Variants in PIK3R4 observed in about 807,000 individuals in gnomAD.
PIK3R4 encodes phosphoinositide-3-kinase regulatory subunit 4, also known as phosphoinositide 3-kinase regulatory subunit 4.
A neutral mutation model predicts 136.5 loss-of-function variants in PIK3R4; 46 were observed. The observed-to-expected ratio is 0.34, with a 90% confidence interval of 0.27 to 0.43. The LOEUF is 0.43. PIK3R4 is among the 20% of genes least tolerant of loss of function. PIK3R4 has a pLI of 1.00. For missense variants in PIK3R4, 1,331 were observed against 1,649.5 expected (o/e 0.81, Z 3.35); for synonymous variants, 557 against 566.7 (o/e 0.98, Z 0.24).
chr3:130,682,337 AG>A (rs2108514103), intron 16 of PIK3R4, among the ~76,000 whole-genome samples: 1 of 152,346 alleles, frequency 6.6e-6, no homozygotes, highest in South Asian at 2.1e-4. Flanking sequence ...GAAGGAGCCA[AG>A]GAATTTGGTT....
At position 130,745,281 on chromosome 3, in the gene PIK3R4, C is replaced by A; in HGVS notation, c.-46-17G>T. On this transcript the variant is annotated splice_polypyrimidine_tract_variant and intron_variant, in intron 1 of 19. Transcript: ENST00000356763. ...ATATAATACCTGTTTAAAATAAAAA[C>A]AAATGAAGAAAAAAGACAAGAAACA... 1 of 1,454,186 alleles carries A rather than the reference C, an allele frequency of 6.9e-7. No individual in the cohort carries two copies. The highest frequency in any genetic ancestry group is 9.2e-7 in the Non-Finnish European group (1 of 1,091,882). 90.1% of individuals were successfully genotyped at this position (1,454,186 alleles called of 1,614,324 possible).
intron 2 of PIK3R4, among the ~76,000 whole-genome samples, chr3:130,740,059 A>T (rs951878601): frequency 6.6e-6 from 1 of 152,196 alleles, no homozygotes; most frequent in Non-Finnish European, 1.5e-5. Flanking sequence ...ACAGTCATAA[A>T]AGGTCATCAT....
At chr3:130,732,384 C>G (rs1390959806) in intron 4 of PIK3R4, among the ~76,000 whole-genome samples, 1 of 152,022 alleles carries the variant, frequency 6.6e-6, no homozygotes, top group Admixed American at 6.5e-5. Flanking sequence ...ATACACTGCA[C>G]CAAAAAGTAG....
intron 2 of PIK3R4, 37 bp from the exon 3 acceptor site, chr3:130,736,039 A>AT: frequency 6.6e-7 from 1 of 1,521,770 alleles, no homozygotes; most frequent in Non-Finnish European, 8.9e-7. Flanking sequence ...TAGAAAAGAG[A>AT]TAAAAAATAT....
rs148685584 is a variant in PIK3R4, at chr3:130,696,831, T to C, written c.3099-6177A>G. 3.9e-5 allele frequency among the ~76,000 whole-genome samples: 6 copies of C among 152,278 alleles called. No homozygotes were observed. In the East Asian group the frequency reaches 1.2e-3, roughly 29 times the overall value. ...CTTATGCTTAGTTGTTCTATCCATCTTGAAAATAAGCTATTAAAGGCTCCC... is the reference window on the plus strand; with the variant it reads ...CTTATGCTTAGTTGTTCTATCCATCCTGAAAATAAGCTATTAAAGGCTCCC... On this transcript the variant is annotated intron_variant, in intron 13 of 19. Coordinates refer to ENST00000356763, the MANE Select transcript of PIK3R4 (RefSeq NM_014602.3).
chr3:130,728,837 T>G lies in PIK3R4; in HGVS notation c.1586-153A>C, dbSNP rs75651816. Reference sequence around the variant, plus strand: ...CCGAAGACTTTAATCACCAATTTTTTGCATTATTCAAAGCTCTGAAGGATG... The same window carrying G: ...CCGAAGACTTTAATCACCAATTTTTGGCATTATTCAAAGCTCTGAAGGATG... On this transcript the variant is annotated intron_variant, in intron 5 of 19. Coordinates refer to ENST00000356763, the MANE Select transcript of PIK3R4 (RefSeq NM_014602.3). Among the ~76,000 whole-genome samples, 1,362 of 152,250 alleles carry G rather than the reference T, an allele frequency of 8.9e-3. 19 individuals are homozygous for G. The highest frequency in any genetic ancestry group is 0.052 in the East Asian group (269 of 5,180).
At chr3:130,698,975 C>T (rs191835925) in intron 13 of PIK3R4, among the ~76,000 whole-genome samples, 151 of 152,302 alleles carry the variant, frequency 9.9e-4, no homozygotes, top group African/African-American at 3.4e-3. Context: ...ACCTTCAACA[C>T]TCCATCAAGC....
chr3:130,685,239 G>C (rs2066482887), intron 15 of PIK3R4, among the ~76,000 whole-genome samples: 1 of 152,126 alleles, frequency 6.6e-6, no homozygotes, highest in Admixed American at 6.6e-5. Flanking sequence ...TTATAATACA[G>C]TGTATATTTC....
intron 2 of PIK3R4, 95 bp from the exon 3 acceptor site, chr3:130,736,097 CAA>C (rs1349977110): frequency 1.2e-6 from 1 of 859,836 alleles, no homozygotes; most frequent in Non-Finnish European, 1.7e-6. Flanking sequence ...ACCCAAAATG[CAA>C]AACCCCAAAG....
chr3:130,683,944 G>GT, intron 16 of PIK3R4, among the ~76,000 whole-genome samples: 1 of 152,062 alleles, frequency 6.6e-6, no homozygotes. Flanking sequence ...ATGAGTCAAG[G>GT]TTTCTAACTT....
intron 2 of PIK3R4, among the ~76,000 whole-genome samples, chr3:130,739,701 G>A (rs985531579): frequency 1.3e-5 from 2 of 151,996 alleles, no homozygotes; most frequent in African/African-American, 4.8e-5. Context: ...TCTTCCCACA[G>A]GTTATTAGTT....
At position 130,718,531 on chromosome 3, in the gene PIK3R4, G is replaced by C; in HGVS notation, c.1985C>G (p.Pro662Arg). 1.2e-6 allele frequency: 2 copies of C among 1,613,782 alleles called. No homozygotes were observed. Among genetic ancestry groups the C allele is most frequent in the Non-Finnish European group, 8.5e-7 (1 of 1,179,798 alleles). The change falls in exon 8 of 20, where the codon CCC becomes CGC. Residue 662 changes from proline to arginine, a missense_variant. By Grantham distance (103) the Pro-to-Arg change is moderately radical. This residue lies in a region of PIK3R4 where 1,180 missense variants were observed against 1,407.0 expected (regional missense o/e 0.84). Transcript: ENST00000356763. ...CCATAAATTGGGATGACACAGGAAG[G>C]GGGCTAAAGAGGAAAAGAAAAGGTA... ...HVYEFASDIA[P>R]FLCHPNLWIR...
intron 13 of PIK3R4, among the ~76,000 whole-genome samples, chr3:130,696,792 A>G (rs942326743): frequency 1.3e-5 from 2 of 152,068 alleles, no homozygotes; most frequent in Non-Finnish European, 2.9e-5. Flanking sequence ...CACATTTTCT[A>G]TTTCTTTGCT....
intron 7 of PIK3R4, among the ~76,000 whole-genome samples, chr3:130,720,175 T>G (rs866666141): frequency 6.6e-6 from 1 of 152,144 alleles, no homozygotes; most frequent in African/African-American, 2.4e-5. Context: ...GAACTGCCTA[T>G]GAAATAGCAT....
intron 7 of PIK3R4, among the ~76,000 whole-genome samples, chr3:130,719,895 A>G (rs2066689220): frequency 6.6e-6 from 1 of 152,160 alleles, no homozygotes; most frequent in African/African-American, 2.4e-5. Flanking sequence ...TGCTTCTGCC[A>G]TCACCATGAG....
intron 13 of PIK3R4, among the ~76,000 whole-genome samples, chr3:130,699,580 C>T (rs190813797): frequency 2.6e-5 from 4 of 152,266 alleles, no homozygotes; most frequent in South Asian, 4.1e-4. Context: ...TTTCTTGAAT[C>T]CACTTTAGAT....
At position 130,679,486 on chromosome 3, in the gene PIK3R4, C is replaced by CTGTT. The variant is rs759060722; in HGVS notation, c.3907-5_3907-2dup. On this transcript the variant is annotated splice_acceptor_variant, in intron 19 of 19. Coordinates refer to ENST00000356763, the MANE Select transcript of PIK3R4 (RefSeq NM_014602.3). LOFTEE classifies it high-confidence loss of function. ...CTACTTTCTGCTTATTCTGAATTTC[C>CTGTT]TGTTTGGTGATTAAAAGGGAGCAAG... 8.1e-6 allele frequency: 13 copies of CTGTT among 1,607,080 alleles called. No individual in the cohort carries two copies. Among genetic ancestry groups the CTGTT allele is most frequent in the East Asian group, 6.7e-5 (3 of 44,698 alleles).
intron 7 of PIK3R4, 111 bp from the exon 8 acceptor site, chr3:130,718,645 T>A: frequency 1.1e-6 from 1 of 951,214 alleles, no homozygotes; most frequent in Non-Finnish European, 1.6e-6. Flanking sequence ...ACAGTGTTAC[T>A]ATCAGGAGCC....
intron 6 of PIK3R4, among the ~76,000 whole-genome samples, chr3:130,724,109 T>C (rs2066718761): frequency 6.6e-6 from 1 of 152,048 alleles, no homozygotes; most frequent in African/African-American, 2.4e-5. Context: ...AGATTAGAAT[T>C]AAAAGCTAAT....
Sources: allele counts gnomAD v4.1 joint callset (sites outside exome capture counted in the v4.1 genomes callset), GRCh38; gene constraint gnomAD v4.1.1; regional missense constraint gnomAD v4.1.1; transcripts MANE v1.5; gene names NCBI Gene and HGNC (gene_info 2026-07-23, HGNC 2026-07-21).